The following ACYP2 variants were observed in gnomAD, a reference collection of about 807,000 sequenced individuals.
The protein encoded by ACYP2 is acylphosphatase 2.
ACYP2 carries 12 observed loss-of-function variants against 11.2 expected under a neutral mutation model. The ratio of observed to expected loss-of-function variants is 1.08; its 90% confidence interval spans 0.69 to 1.74. The LOEUF (loss-of-function observed/expected upper bound fraction) is 1.74. ACYP2 is among the 40% of genes most tolerant of loss of function. ACYP2 has a pLI of 0.00. For synonymous variants in ACYP2, 43 were observed against 32.2 expected, an observed-to-expected ratio of 1.33 and a Z score of -1.13; for missense variants, 134 against 101.9, an observed-to-expected ratio of 1.31 and a Z score of -1.35.
At chr2:54,116,225 T>A (rs1679784316) in intron 4 of ACYP2, among the ~76,000 whole-genome samples, 1 of 152,232 alleles carries the variant, frequency 6.6e-6, no homozygotes, top group South Asian at 2.1e-4. Context: ...CTTAAAAGAA[T>A]GAAATTGTTA....
chr2:54,161,416 G>A (rs1299669035), intron 6 of ACYP2, among the ~76,000 whole-genome samples: 1 of 152,128 alleles, frequency 6.6e-6, no homozygotes, highest in African/African-American at 2.4e-5. Flanking sequence ...CTATTGATGG[G>A]AAAACTCAGG....
At chr2:54,281,160 A>C (rs1168805755) in intron 6 of ACYP2, among the ~76,000 whole-genome samples, 1 of 152,260 alleles carries the variant, frequency 6.6e-6, no homozygotes, top group Admixed American at 6.5e-5. Context: ...TATCAACTCC[A>C]GTTGATTACC....
At chr2:54,059,219 T>A (rs1011766995) in intron 4 of ACYP2, among the ~76,000 whole-genome samples, 1 of 151,378 alleles carries the variant, frequency 6.6e-6, no homozygotes, top group African/African-American at 2.5e-5. Flanking sequence ...TCTTTTTCTT[T>A]TTCTTTTTTT....
chr2:54,230,602 G>C (rs993318895), intron 6 of ACYP2, among the ~76,000 whole-genome samples: 1 of 152,004 alleles, frequency 6.6e-6, no homozygotes, highest in East Asian at 1.9e-4. Context: ...CCAACCTCAG[G>C]TGATTTGCCC....
At chr2:53,972,562 G>C (rs1558443778) in intron 1 of ACYP2, among the ~76,000 whole-genome samples, 1 of 152,066 alleles carries the variant, frequency 6.6e-6, no homozygotes, top group Non-Finnish European at 1.5e-5. Context: ...AGCCGAGATC[G>C]TGCCACAGCA....
chr2:54,108,852 A>G (rs928047861), intron 4 of ACYP2, among the ~76,000 whole-genome samples: 4 of 152,132 alleles, frequency 2.6e-5, no homozygotes, highest in Admixed American at 6.5e-5. Flanking sequence ...AAAGGACTCA[A>G]TGCTAATTAT....
intron 6 of ACYP2, chr2:54,255,158 G>A (rs2104020999): frequency 1.9e-6 from 3 of 1,614,168 alleles, no homozygotes; most frequent in Non-Finnish European, 2.5e-6. Flanking sequence ...CCATGGCCCC[G>A]GCGCCACATG....
rs549650540 is a variant in ACYP2 at position 54,176,599 on chromosome 2, G to A, written c.404+37851G>A. Among the ~76,000 whole-genome samples, 22 of 152,338 alleles carry A rather than the reference G, an allele frequency of 1.4e-4. No individual in the cohort carries two copies. In the South Asian group the frequency reaches 3.7e-3, roughly 26 times the overall value. On this transcript the variant is annotated intron_variant, in intron 6 of 6. Transcript: ENST00000607452. ...TGTTAAGGCAGGAAAAATCTTATGT[G>A]TAATTCTATCACCCAGAGTCAGTCA...
chr2:54,232,843 C>T (rs375868490), intron 6 of ACYP2, among the ~76,000 whole-genome samples: 1 of 152,018 alleles, frequency 6.6e-6, no homozygotes, highest in Non-Finnish European at 1.5e-5. Flanking sequence ...GGGGGAAATC[C>T]GCCCCCAAGA....
intron 6 of ACYP2, among the ~76,000 whole-genome samples, chr2:54,157,845 G>A (rs1456785376): frequency 6.6e-6 from 1 of 152,172 alleles, no homozygotes; most frequent in Non-Finnish European, 1.5e-5. Context: ...AGAGGAGGCT[G>A]TCAGTGCAGA....
At chr2:54,081,811 G>A (rs772683821) in intron 4 of ACYP2, among the ~76,000 whole-genome samples, 1 of 152,184 alleles carries the variant, frequency 6.6e-6, no homozygotes, top group Non-Finnish European at 1.5e-5. Flanking sequence ...CCCATGTGTG[G>A]CCACCTGGAG....
At chr2:54,229,746 T>C (rs149909028) in intron 6 of ACYP2, among the ~76,000 whole-genome samples, 1,638 of 152,354 alleles carry the variant, frequency 0.011, 15 homozygotes, top group Non-Finnish European at 0.016. Context: ...TTAGAACTAG[T>C]TGTAAATACT....
intron 6 of ACYP2, among the ~76,000 whole-genome samples, chr2:54,244,778 G>A (rs1028559719): frequency 6.6e-6 from 1 of 151,784 alleles, no homozygotes; most frequent in Admixed American, 6.6e-5. Context: ...CATAATAATT[G>A]TACATATTAA....
chr2:54,143,789 T>G (rs1240692101), intron 6 of ACYP2, among the ~76,000 whole-genome samples: 1 of 150,080 alleles, frequency 6.7e-6, no homozygotes, highest in Non-Finnish European at 1.5e-5. Context: ...GTTTTGATTT[T>G]AAAGTTTTAT....
intron 1 of ACYP2, among the ~76,000 whole-genome samples, chr2:53,972,745 G>A (rs1191197212): frequency 6.6e-6 from 1 of 152,228 alleles, no homozygotes; most frequent in Non-Finnish European, 1.5e-5. Flanking sequence ...TCAGCAGAAT[G>A]GCTTGGGCTT....
chr2:54,141,991 G>A, intron 6 of ACYP2: 2 of 453,446 alleles, frequency 4.4e-6, no homozygotes, highest in Non-Finnish European at 7.9e-6. Context: ...ATTTGTGTGT[G>A]TGTGTGTGTG....
At chr2:54,024,695 T>C (rs540297631) in intron 2 of ACYP2, among the ~76,000 whole-genome samples, 42 of 152,284 alleles carry the variant, frequency 2.8e-4, no homozygotes, top group African/African-American at 9.1e-4. Flanking sequence ...GGATGCCCTC[T>C]TTCACCACTT....
At chr2:54,010,482 C>G (rs1282987211) in intron 2 of ACYP2, among the ~76,000 whole-genome samples, 1 of 90,806 alleles carries the variant, frequency 1.1e-5, no homozygotes, top group African/African-American at 6.2e-5. Context: ...TAAACTCTGT[C>G]TCAAAAAAAA....
At chr2:54,151,073 C>T (rs1682146390) in intron 6 of ACYP2, among the ~76,000 whole-genome samples, 1 of 152,090 alleles carries the variant, frequency 6.6e-6, no homozygotes, top group African/African-American at 2.4e-5. Flanking sequence ...CTGATGATTG[C>T]GCATGTACTT....
Sources: gnomAD v4.1 joint callset for allele counts (sites outside exome capture counted in the v4.1 genomes callset) on GRCh38, gnomAD v4.1.1 for gene constraint, MANE v1.5 for transcripts, NCBI Gene and HGNC (gene_info 2026-07-23, HGNC 2026-07-21) for gene names.